The following GCNT2 variants were observed in gnomAD, a reference collection of about 807,000 sequenced individuals.
GCNT2 encodes the protein N-acetyllactosaminide beta-1,6-N-acetylglucosaminyl-transferase.
A neutral mutation model predicts 34.2 loss-of-function variants in GCNT2; 34 were observed. The ratio of observed to expected loss-of-function variants is 1.00; its 90% CI spans 0.76 to 1.32. GCNT2 has a LOEUF of 1.32. GCNT2 is among the 40% of genes most tolerant of loss of function. The pLI, the probability that GCNT2 is intolerant of heterozygous loss-of-function variation, is 0.00. For missense variants in GCNT2, 584 were observed against 489.4 expected, an observed-to-expected ratio of 1.19 and a Z score of -1.82; for synonymous variants, 212 against 188.0, an observed-to-expected ratio of 1.13 and a Z score of -1.04.
rs1766374916 is a variant in GCNT2, at chr6:10,628,864, AT to A, written c.*2258del. 6.6e-6 allele frequency: 1 copy of A among 152,254 alleles called. No homozygotes were observed. Among genetic ancestry groups the A allele is most frequent in the South Asian group, 2.1e-4 (1 of 4,830 alleles). The allele number at this position is 152,254 out of a possible 1,614,324, so 9.4% of individuals were successfully genotyped here. A position where few individuals can be genotyped will look rare whatever the true frequency, so the allele number is the denominator to read the frequency against. The stretch of plus-strand genomic sequence containing the variant: ...GGTGAAACCCCATCTCTACTAAAAA[AT>A]ATAAAAATTAGCCGGGCTTTGTGGC... On this transcript the variant is annotated 3_prime_UTR_variant, in exon 5 of 5. Transcript: ENST00000495262.
At chr6:10,626,146 T>C (rs575282020) in intron 4 of GCNT2, among the ~76,000 whole-genome samples, 2 of 152,238 alleles carry the variant, frequency 1.3e-5, no homozygotes, top group Admixed American at 1.3e-4. Flanking sequence ...ATATACACAA[T>C]AATTAACATA....
intron 3 of GCNT2, among the ~76,000 whole-genome samples, chr6:10,561,381 C>G (rs1462977868): frequency 1.3e-5 from 2 of 152,166 alleles, no homozygotes; most frequent in Non-Finnish European, 2.9e-5. Context: ...AGGCTGGTCT[C>G]GAACTCCCGA....
At chr6:10,554,974 C>CTG (rs1327827065) in intron 3 of GCNT2, among the ~76,000 whole-genome samples, 21 of 152,334 alleles carry the variant, frequency 1.4e-4, no homozygotes, top group African/African-American at 4.3e-4. Context: ...CAGGGTGCCC[C>CTG]TGAATCCCAG....
intron 4 of GCNT2, among the ~76,000 whole-genome samples, chr6:10,624,192 C>T (rs899174154): frequency 3.9e-5 from 6 of 152,182 alleles, no homozygotes; most frequent in African/African-American, 1.2e-4. Context: ...TTCCTGCTCA[C>T]CTTTAAGCTC....
chr6:10,579,267 A>G (rs1195437815), intron 3 of GCNT2, among the ~76,000 whole-genome samples: 3 of 152,190 alleles, frequency 2.0e-5, no homozygotes, highest in Non-Finnish European at 4.4e-5. Context: ...ATTCTGTGCT[A>G]TTAAAAACAA....
intron 3 of GCNT2, among the ~76,000 whole-genome samples, chr6:10,532,760 C>G (rs373659646): frequency 6.6e-6 from 1 of 152,164 alleles, no homozygotes; most frequent in East Asian, 1.9e-4. Context: ...CCTGCCAACT[C>G]TTTCCTGACC....
chr6:10,544,869 C>G (rs142911380), intron 3 of GCNT2, among the ~76,000 whole-genome samples: 1,778 of 151,724 alleles, frequency 0.012, 33 homozygotes, highest in African/African-American at 0.036. Flanking sequence ...CACTGGAAAC[C>G]GGGAGGCAGA....
chr6:10,548,277 C>T (rs201722150), intron 3 of GCNT2, among the ~76,000 whole-genome samples: 2 of 152,184 alleles, frequency 1.3e-5, no homozygotes, highest in East Asian at 3.8e-4. Flanking sequence ...CACCACAGTT[C>T]TCCTTAGGTC....
intron 3 of GCNT2, among the ~76,000 whole-genome samples, chr6:10,599,130 C>CAAG (rs1228944144): frequency 2.0e-5 from 3 of 152,172 alleles, no homozygotes; most frequent in Admixed American, 2.0e-4. Flanking sequence ...AGCTTGAATT[C>CAAG]CCTCCGTCCC....
Position 10,627,117 on chromosome 6 carries a change from A to ACGGCGAC in GCNT2, c.*511_*512insGGCGACC. The ACGGCGAC allele has an allele frequency of 6.2e-6, 1 of 161,638 alleles. No individual in the cohort carries two copies. Among genetic ancestry groups the ACGGCGAC allele is most frequent in the Non-Finnish European group, 1.4e-5 (1 of 72,852 alleles). 10.0% of individuals were successfully genotyped at this position (161,638 alleles called of 1,614,324 possible). On this transcript the variant is annotated 3_prime_UTR_variant, in exon 5 of 5. Transcript: ENST00000495262. ...AACATAAGCTACCTGAATGGAGAATACATCTTGTTTCTGAGTTTCAACACT... is the reference window on the plus strand; with the variant it reads ...AACATAAGCTACCTGAATGGAGAATACGGCGACCATCTTGTTTCTGAGTTTCAACACT...
At chr6:10,562,182 C>T (rs1763016274) in intron 3 of GCNT2, among the ~76,000 whole-genome samples, 1 of 152,106 alleles carries the variant, frequency 6.6e-6, no homozygotes, top group Non-Finnish European at 1.5e-5. Context: ...CCAGTTTGCC[C>T]AGGTCTGAGG....
At chr6:10,574,663 G>T in intron 3 of GCNT2, 1 of 309,598 alleles carries the variant, frequency 3.2e-6, no homozygotes. Flanking sequence ...TGCCTATTTT[G>T]GTACTGCCCT....
chr6:10,615,369 C>T (rs1435967563), intron 3 of GCNT2, among the ~76,000 whole-genome samples: 1 of 152,170 alleles, frequency 6.6e-6, no homozygotes, highest in East Asian at 1.9e-4. Flanking sequence ...GGCTAAAGTG[C>T]AGTGGCCTGA....
intron 3 of GCNT2, among the ~76,000 whole-genome samples, chr6:10,546,369 C>T (rs1762268769): frequency 6.6e-6 from 1 of 152,094 alleles, no homozygotes; most frequent in African/African-American, 2.4e-5. Flanking sequence ...TACTAAAAAC[C>T]TACTGTTGTC....
intron 3 of GCNT2, among the ~76,000 whole-genome samples, chr6:10,613,921 A>T (rs1334158231): frequency 1.3e-5 from 2 of 152,172 alleles, no homozygotes; most frequent in African/African-American, 4.8e-5. Flanking sequence ...TGTCTACTCC[A>T]TCAGGGTGCT....
Position 10,623,385 on chromosome 6 carries a change from G to A in GCNT2, c.1018+1942G>A, listed in dbSNP as rs145165831. Among the ~76,000 whole-genome samples, 107 of 151,130 alleles carry A rather than the reference G, an allele frequency of 7.1e-4. 1 individual carries two copies. In the East Asian group the frequency reaches 0.018, roughly 26 times the overall value. ...CGGCTCACTGGAACCTCCGTCTCCC[G>A]GGTTCAAGTGATTCTCATGCCTCAG... On this transcript the variant is annotated intron_variant, in intron 4 of 4. Coordinates refer to ENST00000495262, the MANE Select transcript of GCNT2 (RefSeq NM_145649.5).
At chr6:10,587,247 G>T (rs1764397919) in intron 3 of GCNT2, among the ~76,000 whole-genome samples, 1 of 152,210 alleles carries the variant, frequency 6.6e-6, no homozygotes, top group South Asian at 2.1e-4. Flanking sequence ...AAGCATTCTA[G>T]AATTTAGGAG....
intron 3 of GCNT2, among the ~76,000 whole-genome samples, chr6:10,557,648 G>A (rs1048305645): frequency 2.0e-5 from 3 of 151,804 alleles, no homozygotes; most frequent in African/African-American, 7.3e-5. Context: ...CCACCATACT[G>A]GGCTAATTTT....
intron 3 of GCNT2, among the ~76,000 whole-genome samples, chr6:10,601,078 C>A (rs924044827): frequency 6.6e-6 from 1 of 152,152 alleles, no homozygotes; most frequent in African/African-American, 2.4e-5. Context: ...AGGCATGAAC[C>A]ACCGCTCCCA....
Sources: allele counts gnomAD v4.1 joint callset (sites outside exome capture counted in the v4.1 genomes callset), GRCh38; gene constraint gnomAD v4.1.1; transcripts MANE v1.5; gene names NCBI Gene and HGNC (gene_info 2026-07-23, HGNC 2026-07-21).